The following GALNT13 variants were observed in gnomAD, a reference collection of about 807,000 sequenced individuals.
GALNT13 encodes UDP-GalNAc:polypeptide N-acetylgalactosaminyltransferase 13.
Under a neutral mutation model 64.2 loss-of-function variants are expected in GALNT13, and 28 were observed. The ratio of observed to expected loss-of-function variants is 0.44; its 90% CI spans 0.32 to 0.60. GALNT13 has a LOEUF of 0.60. GALNT13 is among the 20% of genes least tolerant of loss of function. GALNT13 has a pLI of 0.05. For missense variants in GALNT13, 577 were observed against 669.8 expected, an observed-to-expected ratio of 0.86 and a Z score of 1.53; for synonymous variants, 214 against 224.6, an observed-to-expected ratio of 0.95 and a Z score of 0.42.
chr2:153,138,501 A>T, the GALNT13 span, among the ~76,000 whole-genome samples: 1 of 152,000 alleles, frequency 6.6e-6, no homozygotes, highest in Non-Finnish European at 1.5e-5. Context: ...TTTTACTTTT[A>T]TTCTCTTAAA....
chr2:153,652,177 T>C, the GALNT13 span, among the ~76,000 whole-genome samples: 1 of 152,222 alleles, frequency 6.6e-6, no homozygotes, highest in Non-Finnish European at 1.5e-5. Context: ...ATTACATTTT[T>C]ATTTCGGTAA....
At chr2:153,819,124 T>A in the GALNT13 span, among the ~76,000 whole-genome samples, 4 of 151,944 alleles carry the variant, frequency 2.6e-5, no homozygotes, top group Non-Finnish European at 4.4e-5. Context: ...GACTCAACCA[T>A]CCAATATCAC....
At chr2:153,711,289 A>G in the GALNT13 span, among the ~76,000 whole-genome samples, 1 of 152,190 alleles carries the variant, frequency 6.6e-6, no homozygotes, top group African/African-American at 2.4e-5. Flanking sequence ...TAGTGGAAAC[A>G]TTAACTAAAA....
At chr2:154,365,864 G>A (rs978544622) in intron 9 of GALNT13, among the ~76,000 whole-genome samples, 1 of 152,154 alleles carries the variant, frequency 6.6e-6, no homozygotes, top group African/African-American at 2.4e-5. Context: ...TCTTCAATGT[G>A]AAGAGTAATA....
the GALNT13 span, among the ~76,000 whole-genome samples, chr2:153,201,370 G>A: frequency 6.6e-6 from 1 of 152,184 alleles, no homozygotes; most frequent in African/African-American, 2.4e-5. Flanking sequence ...AGGGCCTACA[G>A]AAAACGGAAA....
At chr2:154,053,364 T>G (rs997886631) in intron 3 of GALNT13, among the ~76,000 whole-genome samples, 1 of 152,016 alleles carries the variant, frequency 6.6e-6, no homozygotes, top group African/African-American at 2.4e-5. Context: ...TTTCCTATTA[T>G]TATTTCCCTT....
chr2:153,237,815 TATA>T, the GALNT13 span, among the ~76,000 whole-genome samples: 1 of 152,126 alleles, frequency 6.6e-6, no homozygotes, highest in Non-Finnish European at 1.5e-5. Context: ...ATCTCTTTGA[TATA>T]ATAATTTCTT....
At chr2:154,032,864 C>CTTTTTTTTTTTTTTTTT (rs70981694) in intron 3 of GALNT13, among the ~76,000 whole-genome samples, 1 of 110,110 alleles carries the variant, frequency 9.1e-6, no homozygotes, top group African/African-American at 3.5e-5. Flanking sequence ...CCTACATTTC[C>CTTTTTTTTTTTTTTTTT]TTTTTTTTTT....
At chr2:154,035,563 G>A (rs1698612174) in intron 3 of GALNT13, among the ~76,000 whole-genome samples, 1 of 151,972 alleles carries the variant, frequency 6.6e-6, no homozygotes, top group South Asian at 2.1e-4. Flanking sequence ...TTATTTTAAA[G>A]TAGTTTGAAC....
At chr2:154,195,243 G>A (rs942951398) in intron 4 of GALNT13, among the ~76,000 whole-genome samples, 5 of 151,862 alleles carry the variant, frequency 3.3e-5, no homozygotes, top group South Asian at 2.1e-4. Flanking sequence ...TTCTCTCTCC[G>A]GACTTTTGTC....
intron 2 of GALNT13, among the ~76,000 whole-genome samples, chr2:153,917,381 C>G (rs2105329098): frequency 6.6e-6 from 1 of 152,086 alleles, no homozygotes; most frequent in African/African-American, 2.4e-5. Context: ...ATTTCTAACC[C>G]CCAATAACTT....
chr2:154,042,780 G>A (rs1699055305), intron 3 of GALNT13, among the ~76,000 whole-genome samples: 1 of 150,176 alleles, frequency 6.7e-6, no homozygotes, highest in African/African-American at 2.5e-5. Flanking sequence ...AAAAATACTT[G>A]TGCCATGGCA....
chr2:153,725,485 T>G, the GALNT13 span, among the ~76,000 whole-genome samples: 1 of 149,458 alleles, frequency 6.7e-6, no homozygotes, highest in East Asian at 2.0e-4. Context: ...ATAGTAATAA[T>G]AAAAAAAAAG....
At chr2:153,253,243 G>T in the GALNT13 span, among the ~76,000 whole-genome samples, 2 of 149,568 alleles carry the variant, frequency 1.3e-5, no homozygotes, top group Admixed American at 1.3e-4. Flanking sequence ...GTGAATGGGA[G>T]TTCACTCATG....
chr2:153,366,396 T>TA, the GALNT13 span, among the ~76,000 whole-genome samples: 1 of 151,836 alleles, frequency 6.6e-6, no homozygotes. Flanking sequence ...TCCCGGAACT[T>TA]AAAGTAAAAT....
chr2:154,240,780 G>A (rs1024623226), intron 4 of GALNT13, among the ~76,000 whole-genome samples: 4 of 152,132 alleles, frequency 2.6e-5, no homozygotes, highest in Admixed American at 6.5e-5. Context: ...TTCTGTATCC[G>A]GGGTTCTTGG....
At chr2:153,147,407 A>G in the GALNT13 span, among the ~76,000 whole-genome samples, 1 of 151,942 alleles carries the variant, frequency 6.6e-6, no homozygotes, top group East Asian at 1.9e-4. Context: ...TTCCTGCTTT[A>G]CCTTGTTTCT....
chr2:154,029,773 CT>C (rs1344673241), intron 3 of GALNT13, among the ~76,000 whole-genome samples: 1 of 152,128 alleles, frequency 6.6e-6, no homozygotes, highest in African/African-American at 2.4e-5. Context: ...GTTTTAATTA[CT>C]GTCATTAATA....
chr2:153,596,125 C>G, the GALNT13 span, among the ~76,000 whole-genome samples: 3 of 152,152 alleles, frequency 2.0e-5, no homozygotes, highest in South Asian at 2.1e-4. Context: ...CTAGCTGTGG[C>G]TAACAGCCAG....
Sources: allele counts gnomAD v4.1 joint callset (sites outside exome capture counted in the v4.1 genomes callset), GRCh38; gene constraint gnomAD v4.1.1; transcripts MANE v1.5; gene names NCBI Gene and HGNC (gene_info 2026-07-23, HGNC 2026-07-21).